The following RYR3 variants were observed in gnomAD, a reference collection of about 807,000 sequenced individuals.
RYR3 encodes brain ryanodine receptor-calcium release channel.
A neutral mutation model predicts 584.3 loss-of-function variants in RYR3; 207 were observed. That is an observed-to-expected ratio of 0.35 (90% confidence interval 0.32 to 0.40). RYR3 has a LOEUF of 0.40. Ranked by LOEUF, RYR3 falls within the 10% of genes least tolerant of loss-of-function variation. The probability of loss-of-function intolerance (pLI) is 1.00; values close to 1 mark genes in which losing one functional copy is unlikely to be tolerated. For missense variants in RYR3, 5,616 were observed against 6,089.2 expected, an observed-to-expected ratio of 0.92 and a Z score of 2.59; for synonymous variants, 2,416 against 2,248.5, an observed-to-expected ratio of 1.07 and a Z score of -2.11.
Position 33,722,725 on chromosome 15 carries a change from G to C in RYR3, c.6630G>C (p.Val2210=). 1 of 1,612,344 alleles carries C rather than the reference G, an allele frequency of 6.2e-7. No homozygotes were observed. The highest frequency in any genetic ancestry group is 8.5e-7 in the Non-Finnish European group (1 of 1,179,302). Reference sequence around the variant, plus strand: ...GCCTGTCTTCCTCAGGTGAGAGTGTGGAAGAAAACGCCAGCGTTGTGGTCA... The same window carrying C: ...GCCTGTCTTCCTCAGGTGAGAGTGTCGAAGAAAACGCCAGCGTTGTGGTCA... ...RFAVFVNSES[V]EENASVVVKL... The change falls in exon 44 of 104, where the codon GTG becomes GTC. Residue 2210 remains valine (V), a synonymous_variant. Transcript: ENST00000634891.
intron 1 of RYR3, among the ~76,000 whole-genome samples, chr15:33,425,769 G>A (rs1165568670): frequency 6.7e-6 from 1 of 150,140 alleles, no homozygotes; most frequent in African/African-American, 2.5e-5. Context: ...AGCCTCCCGA[G>A]TAGCTGGGAC....
intron 1 of RYR3, among the ~76,000 whole-genome samples, chr15:33,422,309 C>A (rs2044295448): frequency 6.6e-6 from 1 of 152,160 alleles, no homozygotes; most frequent in African/African-American, 2.4e-5. Context: ...TACAGGTGAT[C>A]AGAATCTTTA....
At chr15:33,798,246 G>A (rs2075736189) in intron 67 of RYR3, among the ~76,000 whole-genome samples, 1 of 152,032 alleles carries the variant, frequency 6.6e-6, no homozygotes, top group South Asian at 2.1e-4. Flanking sequence ...CCACCACCAT[G>A]CAAAGCTAAT....
intron 1 of RYR3, among the ~76,000 whole-genome samples, chr15:33,357,673 T>A (rs1275667160): frequency 6.6e-6 from 1 of 152,214 alleles, no homozygotes; most frequent in Non-Finnish European, 1.5e-5. Flanking sequence ...ATTCCTTTAC[T>A]TTCTTAATAA....
At chr15:33,622,004 A>G (rs1023187283) in intron 19 of RYR3, among the ~76,000 whole-genome samples, 1 of 152,130 alleles carries the variant, frequency 6.6e-6, no homozygotes, top group Non-Finnish European at 1.5e-5. Context: ...TCCATGAGCA[A>G]TTCCGAACAA....
chr15:33,719,253 A>G (rs1480935552), intron 43 of RYR3, among the ~76,000 whole-genome samples: 1 of 152,262 alleles, frequency 6.6e-6, no homozygotes, highest in Non-Finnish European at 1.5e-5. Context: ...AGCAGACCCA[A>G]TTAGTTCAGT....
At chr15:33,759,795 C>G (rs2072246338) in intron 60 of RYR3, among the ~76,000 whole-genome samples, 1 of 152,152 alleles carries the variant, frequency 6.6e-6, no homozygotes, top group African/African-American at 2.4e-5. Flanking sequence ...ATACAGAGAA[C>G]ACCACAAAGA....
At chr15:33,676,632 A>G (rs1016501713) in intron 38 of RYR3, among the ~76,000 whole-genome samples, 2 of 144,908 alleles carry the variant, frequency 1.4e-5, no homozygotes, top group African/African-American at 2.8e-5. Flanking sequence ...ATTTAGCTCC[A>G]TAGAGGTTGC....
chr15:33,393,387 A>C (rs991901251), intron 1 of RYR3, among the ~76,000 whole-genome samples: 4 of 152,212 alleles, frequency 2.6e-5, no homozygotes, highest in African/African-American at 9.7e-5. Flanking sequence ...TTCTATAGAA[A>C]GGTTGTTGGA....
At chr15:33,748,354 T>C (rs2070955909) in intron 54 of RYR3, 94 bp downstream of exon 54, 1 of 1,540,854 alleles carries the variant, frequency 6.5e-7, no homozygotes, top group African/African-American at 1.4e-5. Context: ...TGGGACCATC[T>C]AAGATGAACC....
intron 13 of RYR3, 35 bp from the exon 14 acceptor site, chr15:33,581,473 G>A (rs983941506): frequency 1.9e-6 from 3 of 1,606,834 alleles, no homozygotes; most frequent in African/African-American, 2.7e-5. Flanking sequence ...TTCTTAATCA[G>A]CAATGTTTAC....
rs144231540 is a variant in RYR3, at chr15:33,435,406, T to C, written c.52-38013T>C. On this transcript the variant is annotated intron_variant, in intron 1 of 103. Coordinates refer to ENST00000634891, the MANE Select transcript of RYR3 (RefSeq NM_001036.6). Reference sequence around the variant, plus strand: ...AGCTACTCTGTGGCATTCCAGTGTATACATTTATCATTATGCTTTTTTCCA... The same window carrying C: ...AGCTACTCTGTGGCATTCCAGTGTACACATTTATCATTATGCTTTTTTCCA... 1.2e-3 allele frequency among the ~76,000 whole-genome samples: 190 copies of C among 152,354 alleles called. 1 individual carries two copies. Among genetic ancestry groups the C allele is most frequent in the African/African-American group, 4.2e-3 (174 of 41,586 alleles).
intron 41 of RYR3, 91 bp downstream of exon 41, chr15:33,699,924 C>T (rs1031059498): frequency 2.7e-5 from 34 of 1,280,160 alleles, no homozygotes; most frequent in South Asian, 5.6e-5. Context: ...AAAGGAGCCA[C>T]ATGCACGCTG....
chr15:33,574,060 C>A (rs1308433865), intron 12 of RYR3, among the ~76,000 whole-genome samples: 1 of 152,148 alleles, frequency 6.6e-6, no homozygotes, highest in East Asian at 1.9e-4. Flanking sequence ...TGCACCTTTC[C>A]TATTTTCCAG....
rs202209001 is a variant in RYR3 at position 33,464,495 on chromosome 15, T to C, written c.52-8924T>C. ...ATATATATATATATATATATACACA[T>C]ATATATATACATACACATACACATA... On this transcript the variant is annotated intron_variant, in intron 1 of 103. Coordinates refer to ENST00000634891, the MANE Select transcript of RYR3 (RefSeq NM_001036.6). 4.7e-3 allele frequency among the ~76,000 whole-genome samples: 335 copies of C among 71,272 alleles called. 5 individuals carry two copies. The highest frequency in any genetic ancestry group is 0.026 in the East Asian group (59 of 2,282). 46.8% of individuals were successfully genotyped at this position (71,272 alleles called of 152,430 possible). A position where few individuals can be genotyped will look rare whatever the true frequency, so the allele number is the denominator to read the frequency against.
chr15:33,345,622 G>C (rs1595792547), intron 1 of RYR3, among the ~76,000 whole-genome samples: 1 of 152,308 alleles, frequency 6.6e-6, no homozygotes, highest in South Asian at 2.1e-4. Context: ...CTGCCATGCA[G>C]AGTACAGACT....
chr15:33,541,953 TCTC>T (rs1390176097), intron 7 of RYR3, among the ~76,000 whole-genome samples: 1 of 152,134 alleles, frequency 6.6e-6, no homozygotes, highest in Non-Finnish European at 1.5e-5. Flanking sequence ...GGCTCAATCT[TCTC>T]CATGTTAAAT....
At chr15:33,395,468 T>C (rs1428812633) in intron 1 of RYR3, among the ~76,000 whole-genome samples, 1 of 152,202 alleles carries the variant, frequency 6.6e-6, no homozygotes, top group Non-Finnish European at 1.5e-5. Context: ...CATACGTACT[T>C]CAACACTGGG....
intron 28 of RYR3, 36 bp downstream of exon 28, chr15:33,644,555 A>G: frequency 6.6e-7 from 1 of 1,522,508 alleles, no homozygotes; most frequent in East Asian, 2.3e-5. Flanking sequence ...CTGGCAGGTC[A>G]GGTGGGCCAA....
Sources: allele counts gnomAD v4.1 joint callset (sites outside exome capture counted in the v4.1 genomes callset), GRCh38; gene constraint gnomAD v4.1.1; transcripts MANE v1.5; gene names NCBI Gene and HGNC (gene_info 2026-07-23, HGNC 2026-07-21).